SNX9: variants seen among roughly 807,000 people sequenced by gnomAD.
The protein encoded by SNX9 is sorting nexin-9.
SNX9 carries 44 observed loss-of-function variants against 89.4 expected under a neutral mutation model. The ratio of observed to expected loss-of-function variants is 0.49; its 90% CI spans 0.39 to 0.63. SNX9 has a LOEUF of 0.63. SNX9 is among the 30% of genes least tolerant of loss of function. The pLI is 0.00. For missense variants in SNX9, 578 were observed against 736.1 expected (o/e 0.79, Z 2.49); for synonymous variants, 236 against 247.8 (o/e 0.95, Z 0.45).
At chr6:157,914,469 C>CTTTTTTTTTTTTTTTTTTTTTTT (rs34419515) in intron 9 of SNX9, among the ~76,000 whole-genome samples, 8 of 75,114 alleles carry the variant, frequency 1.1e-4, no homozygotes, top group African/African-American at 4.0e-4. Context: ...TTTTCTTTTT[C>CTTTTTTTTTTTTTTTTTTTTTTT]TTTTTTTTTT....
At chr6:157,942,160 A>T (rs925367019) in intron 17 of SNX9, among the ~76,000 whole-genome samples, 9 of 152,228 alleles carry the variant, frequency 5.9e-5, no homozygotes, top group African/African-American at 2.2e-4. Context: ...TTTAGATCTA[A>T]GTTTTATGGC....
chr6:157,907,758 G>A (rs557258118), intron 7 of SNX9, among the ~76,000 whole-genome samples: 2 of 152,324 alleles, frequency 1.3e-5, no homozygotes, highest in South Asian at 2.1e-4. Context: ...AAGCCACCGC[G>A]TCTTCAGGAG....
At chr6:157,862,429 C>G (rs890269292) in intron 1 of SNX9, among the ~76,000 whole-genome samples, 4 of 152,158 alleles carry the variant, frequency 2.6e-5, no homozygotes, top group Admixed American at 2.6e-4. Context: ...ATTACCTACT[C>G]TTTATGCAAA....
chr6:157,841,567 T>A (rs1389417226), intron 1 of SNX9, among the ~76,000 whole-genome samples: 2 of 151,798 alleles, frequency 1.3e-5, no homozygotes, highest in Non-Finnish European at 2.9e-5. Context: ...CCATGTGGGG[T>A]GTGGGGATCG....
intron 1 of SNX9, among the ~76,000 whole-genome samples, chr6:157,824,736 C>T (rs1254793745): frequency 1.3e-5 from 2 of 152,044 alleles, no homozygotes; most frequent in Non-Finnish European, 2.9e-5. Flanking sequence ...AAATAATTAC[C>T]TTCTTGTTAA....
rs1244283784 is a variant in SNX9, at chr6:157,834,174, T to G, written c.12+10728T>G. 7.3e-4 allele frequency among the ~76,000 whole-genome samples: 89 copies of G among 121,216 alleles called. 1 individual carries two copies. Among genetic ancestry groups the G allele is most frequent in the African/African-American group, 2.6e-3 (79 of 29,882 alleles). The allele number at this position is 121,216 out of a possible 152,430, so 79.5% of individuals were successfully genotyped here. On this transcript the variant is annotated intron_variant, in intron 1 of 17. Coordinates refer to ENST00000392185, the MANE Select transcript of SNX9 (RefSeq NM_016224.5). Reference sequence around the variant, plus strand: ...GGTTTTTTTTTTTTTTTTTTTTTTTTTTTTTTTTTTTGAGTCAGGGTCTCT... The same window carrying G: ...GGTTTTTTTTTTTTTTTTTTTTTTTGTTTTTTTTTTTGAGTCAGGGTCTCT...
At chr6:157,915,830 A>AAAAAAAAAAAAAAAAC (rs1783457024) in intron 9 of SNX9, among the ~76,000 whole-genome samples, 1 of 149,054 alleles carries the variant, frequency 6.7e-6, no homozygotes, top group African/African-American at 2.5e-5. Flanking sequence ...GTCAAAAAAA[A>AAAAAAAAAAAAAAAAC]AAAAAAGATT....
At chr6:157,892,265 G>A (rs902450814) in intron 4 of SNX9, among the ~76,000 whole-genome samples, 18 of 152,136 alleles carry the variant, frequency 1.2e-4, no homozygotes, top group African/African-American at 2.9e-4. Flanking sequence ...AGAGATCGAC[G>A]TATGGGAAGG....
At chr6:157,881,432 G>A (rs1022476120) in intron 4 of SNX9, among the ~76,000 whole-genome samples, 2 of 152,024 alleles carry the variant, frequency 1.3e-5, no homozygotes. Flanking sequence ...CCCTGCAGTG[G>A]CCTCTAAGTG....
chr6:157,841,616 G>A (rs777599165), intron 1 of SNX9, among the ~76,000 whole-genome samples: 1 of 152,140 alleles, frequency 6.6e-6, no homozygotes, highest in African/African-American at 2.4e-5. Flanking sequence ...TTCCCATGGG[G>A]AGGTGGTTGC....
intron 1 of SNX9, among the ~76,000 whole-genome samples, chr6:157,825,622 G>A (rs115673192): frequency 0.031 from 4,657 of 152,222 alleles, 263 homozygotes; most frequent in African/African-American, 0.11. Flanking sequence ...CCTAATCACT[G>A]TTCCACATGG....
At chr6:157,936,953 G>A (rs1298617185) in intron 14 of SNX9, among the ~76,000 whole-genome samples, 2 of 151,830 alleles carry the variant, frequency 1.3e-5, no homozygotes, top group Admixed American at 1.3e-4. Context: ...TAATGTGGTT[G>A]TGGGCTACTT....
chr6:157,913,776 C>T (rs1783402145), intron 9 of SNX9, among the ~76,000 whole-genome samples: 2 of 152,202 alleles, frequency 1.3e-5, no homozygotes. Context: ...AGTCTGACTG[C>T]TTTCATTTAG....
intron 4 of SNX9, among the ~76,000 whole-genome samples, chr6:157,888,199 C>T (rs1782777394): frequency 6.6e-6 from 1 of 152,174 alleles, no homozygotes. Context: ...TGTCTAATGC[C>T]TCTGAAAGCA....
intron 1 of SNX9, among the ~76,000 whole-genome samples, chr6:157,854,760 T>C (rs945344689): frequency 1.3e-5 from 2 of 152,238 alleles, no homozygotes; most frequent in Non-Finnish European, 2.9e-5. Flanking sequence ...ATGTGGCCTT[T>C]AATGCAGATT....
chr6:157,846,608 T>C (rs551170423), intron 1 of SNX9, among the ~76,000 whole-genome samples: 3 of 152,370 alleles, frequency 2.0e-5, no homozygotes, highest in African/African-American at 7.2e-5. Flanking sequence ...TTAAATTCTT[T>C]AAAAAGGCCC....
intron 1 of SNX9, among the ~76,000 whole-genome samples, chr6:157,828,698 G>A (rs1781427771): frequency 6.6e-6 from 1 of 151,882 alleles, no homozygotes; most frequent in Non-Finnish European, 1.5e-5. Context: ...TTCACCATGT[G>A]TCCTGAACTG....
chr6:157,826,916 A>T (rs1182395052), intron 1 of SNX9, among the ~76,000 whole-genome samples: 147 of 13,138 alleles, frequency 0.011, 4 homozygotes, highest in Non-Finnish European at 0.015. Flanking sequence ...TAATATATAA[A>T]ATATATTATA....
intron 1 of SNX9, among the ~76,000 whole-genome samples, chr6:157,829,943 T>A (rs1005315736): frequency 6.6e-6 from 1 of 152,212 alleles, no homozygotes; most frequent in South Asian, 2.1e-4. Context: ...GTTATAAGTC[T>A]CTTTTTTCCA....
Sources: allele counts gnomAD v4.1 joint callset (sites outside exome capture counted in the v4.1 genomes callset), GRCh38; gene constraint gnomAD v4.1.1; transcripts MANE v1.5; gene names NCBI Gene and HGNC (gene_info 2026-07-23, HGNC 2026-07-21).